Variants in ADCK2 observed in about 807,000 individuals in gnomAD.
ADCK2 encodes the protein aarF domain containing kinase 2, also known as uncharacterized aarF domain-containing protein kinase 2.
A neutral mutation model predicts 52.3 loss-of-function variants in ADCK2; 37 were observed. That is an observed-to-expected ratio of 0.71 (90% CI 0.54 to 0.93). The LOEUF is 0.93. Among genes scored for constraint, ADCK2 ranks in the 40% least tolerant of loss-of-function variants. The probability of loss-of-function intolerance (pLI) is 0.00; values close to 1 mark genes in which losing one functional copy is unlikely to be tolerated. For synonymous variants in ADCK2, 321 were observed against 349.2 expected, an observed-to-expected ratio of 0.92 and a Z score of 0.90; for missense variants, 695 against 798.7, an observed-to-expected ratio of 0.87 and a Z score of 1.56.
At position 140,689,583 on chromosome 7, in the gene ADCK2, G is replaced by T; in HGVS notation, c.1558-14G>T. The T allele has an allele frequency of 6.3e-7, 1 of 1,584,120 alleles. No homozygotes were observed. The highest frequency in any genetic ancestry group is 8.6e-7 in the Non-Finnish European group (1 of 1,161,554). ...TAGCTCCACTCCAAGTCCCTTTTCC[G>T]TTGCATTTTCCAGGGCCAGAGAGTG... On this transcript the variant is annotated splice_polypyrimidine_tract_variant and intron_variant, in intron 5 of 7. Coordinates refer to ENST00000072869, the MANE Select transcript of ADCK2 (RefSeq NM_052853.4).
At position 140,678,940 on chromosome 7, in the gene ADCK2, G is replaced by T. The variant is rs557885997; in HGVS notation, c.1081-215G>T. On this transcript the variant is annotated intron_variant, in intron 2 of 7. Transcript: ENST00000072869. The surrounding 1 kb of genome is among the most constrained non-coding windows in gnomAD (Gnocchi z 4.9). ...CCCAAAGCCCACCAGGGCACCTGCC[G>T]TCTGCAGCCTCCAGGAGTTCACACA... 6.6e-6 allele frequency among the ~76,000 whole-genome samples: 1 copy of T among 152,190 alleles called. No homozygotes were observed. Among genetic ancestry groups the T allele is most frequent in the Non-Finnish European group, 1.5e-5 (1 of 68,030 alleles).
intron 3 of ADCK2, among the ~76,000 whole-genome samples, chr7:140,680,515 A>G (rs754215036): frequency 2.5e-4 from 37 of 149,630 alleles, no homozygotes; most frequent in Non-Finnish European, 5.3e-4. Context: ...CTATTGGCTG[A>G]TTCTTGCCCA....
chr7:140,676,090 A>G (rs1394613241), intron 2 of ADCK2, among the ~76,000 whole-genome samples: 1 of 152,260 alleles, frequency 6.6e-6, no homozygotes, highest in Non-Finnish European at 1.5e-5. Flanking sequence ...TAGCTTACAT[A>G]CAACAGAAAT....
At chr7:140,690,636 G>A in intron 6 of ADCK2, 124 bp from the exon 7 acceptor site, 1 of 769,722 alleles carries the variant, frequency 1.3e-6, no homozygotes, top group Non-Finnish European at 2.1e-6. Flanking sequence ...TGTGCTGACT[G>A]GTGTATGTGT....
At chr7:140,675,731 C>T (rs1323343801) in intron 2 of ADCK2, among the ~76,000 whole-genome samples, 1 of 152,204 alleles carries the variant, frequency 6.6e-6, no homozygotes, top group Non-Finnish European at 1.5e-5. Flanking sequence ...AGCATTATTT[C>T]TGCCATAATC....
chr7:140,676,077 A>G (rs1157696681), intron 2 of ADCK2, among the ~76,000 whole-genome samples: 3 of 152,226 alleles, frequency 2.0e-5, no homozygotes, highest in African/African-American at 7.2e-5. Context: ...CCCATAAACT[A>G]AGTAGCTTAC....
rs1038893498 is a variant in ADCK2, at chr7:140,687,138, G to A, written c.1454G>A (p.Cys485Tyr). 2 of 1,613,280 alleles carry A rather than the reference G, an allele frequency of 1.2e-6. No individual in the cohort carries two copies. The highest frequency in any genetic ancestry group is 1.3e-5 in the African/African-American group (1 of 74,910). ...GTGGTGGCCGTGCCATCTTCCCTCTGCCCGCTGCGACTGGTGCTGCTGGAT... is the reference window on the plus strand; with the variant it reads ...GTGGTGGCCGTGCCATCTTCCCTCTACCCGCTGCGACTGGTGCTGCTGGAT... ...TLVVAVPSSL[C>Y]PLRLVLLDAG... Residue 485 changes from cysteine (C) to tyrosine (Y), a missense_variant, in exon 5 of 8, where the codon TGC becomes TAC. Physicochemically the swap from Cys to Tyr is radical, Grantham distance 194. Transcript: ENST00000072869.
intron 5 of ADCK2, among the ~76,000 whole-genome samples, chr7:140,687,638 T>TG (rs1794627473): frequency 1.3e-5 from 2 of 150,838 alleles, no homozygotes; most frequent in African/African-American, 4.9e-5. Context: ...TCATTGAACC[T>TG]GGGGGGCATA....
At chr7:140,691,494 GTCA>G (rs1794701585) in intron 7 of ADCK2, among the ~76,000 whole-genome samples, 1 of 150,868 alleles carries the variant, frequency 6.6e-6, no homozygotes, top group Admixed American at 6.5e-5. Flanking sequence ...GCTCTAGAGG[GTCA>G]TGCCTTGTGT....
chr7:140,674,142 C>T lies in ADCK2; in HGVS notation c.812C>T (p.Ser271Leu), dbSNP rs1424513942. The change falls in exon 1 of 8, where the codon TCG (serine) becomes TTG (leucine). Residue 271 changes from serine (S) to leucine (L), a missense_variant. Ser to Leu is a moderately radical substitution (Grantham distance 145). Transcript: ENST00000072869. This position sits in a 1 kb window ranked among gnomAD's most constrained non-coding sequence, Gnocchi z 4.6. ...CCTCCAGAAAATCTCGCAGACCAGTCGTTTCTAGAAAGGCTGCTCCTCCCT... is the reference window on the plus strand; with the variant it reads ...CCTCCAGAAAATCTCGCAGACCAGTTGTTTCTAGAAAGGCTGCTCCTCCCT... ...RKPPENLADQ[S>L]FLERLLLPKA... The T allele has an allele frequency of 3.7e-6, 6 of 1,613,936 alleles. No homozygotes were observed. In the South Asian group the frequency reaches 4.4e-5, roughly 12 times the overall value.
chr7:140,678,579 G>A lies in ADCK2; in HGVS notation c.1081-576G>A, dbSNP rs1410660933. ...GGTGCCAGGAGAGTGAAGGGCAGGTGCCGGGGGAAGAGCCATCACGGAGAG... is the reference window on the plus strand; with the variant it reads ...GGTGCCAGGAGAGTGAAGGGCAGGTACCGGGGGAAGAGCCATCACGGAGAG... On this transcript the variant is annotated intron_variant, in intron 2 of 7. Coordinates refer to ENST00000072869, the MANE Select transcript of ADCK2 (RefSeq NM_052853.4). This position sits in a 1 kb window ranked among gnomAD's most constrained non-coding sequence, Gnocchi z 4.9. Among the ~76,000 whole-genome samples, 1 of 152,170 alleles carries A rather than the reference G, an allele frequency of 6.6e-6. No homozygotes were observed. The highest frequency in any genetic ancestry group is 1.5e-5 in the Non-Finnish European group (1 of 68,028).
chr7:140,674,596 T>C lies in ADCK2; in HGVS notation c.934-15T>C. On this transcript the variant is annotated splice_polypyrimidine_tract_variant and intron_variant, in intron 1 of 7. Coordinates refer to ENST00000072869, the MANE Select transcript of ADCK2 (RefSeq NM_052853.4). This position sits in a 1 kb window ranked among gnomAD's most constrained non-coding sequence, Gnocchi z 4.6. Reference sequence around the variant, plus strand: ...CAGCAGGTTTCTCCTGTCTCACGGTTCCTCTTTCTGACAGGTGTTGCACCC... The same window carrying C: ...CAGCAGGTTTCTCCTGTCTCACGGTCCCTCTTTCTGACAGGTGTTGCACCC... 1 of 1,602,392 alleles carries C rather than the reference T, an allele frequency of 6.2e-7. No individual in the cohort carries two copies. The highest frequency in any genetic ancestry group is 8.5e-7 in the Non-Finnish European group (1 of 1,171,370).
rs1794669580 is a variant in ADCK2, at chr7:140,689,607, T to C, written c.1568T>C (p.Val523Ala). Residue 523 changes from valine to alanine, a missense_variant, in exon 6 of 8, where the codon GTG (valine) becomes GCG (alanine). By Grantham distance (64) the Val-to-Ala change is moderately conservative. Transcript: ENST00000072869. ...MAVVMGQGQR[V>A]AELILHHARA... Reference sequence around the variant, plus strand: ...CGTTGCATTTTCCAGGGCCAGAGAGTGGCTGAGCTGATCCTGCATCATGCC... The same window carrying C: ...CGTTGCATTTTCCAGGGCCAGAGAGCGGCTGAGCTGATCCTGCATCATGCC... 3 of 1,601,438 alleles carry C rather than the reference T, an allele frequency of 1.9e-6. No homozygotes were observed. The East Asian group carries it at 6.8e-5, about 36-fold the overall frequency.
intron 7 of ADCK2, among the ~76,000 whole-genome samples, chr7:140,691,038 G>A (rs752310924): frequency 6.6e-6 from 1 of 151,956 alleles, no homozygotes; most frequent in Non-Finnish European, 1.5e-5. Context: ...TGATTCTCTT[G>A]CCTCAGTCTC....
At chr7:140,686,653 C>G (rs918141983) in intron 4 of ADCK2, among the ~76,000 whole-genome samples, 1 of 152,186 alleles carries the variant, frequency 6.6e-6, no homozygotes, top group Admixed American at 6.5e-5. Flanking sequence ...GATCATAGCT[C>G]TGTGTAACCT....
intron 4 of ADCK2, among the ~76,000 whole-genome samples, chr7:140,685,239 A>G (rs769307879): frequency 2.6e-5 from 4 of 152,134 alleles, no homozygotes; most frequent in Non-Finnish European, 5.9e-5. Context: ...ACTTGAGGTC[A>G]GGAGTCTGAG....
At chr7:140,679,662 C>CTTTTTT (rs57302302) in intron 3 of ADCK2, among the ~76,000 whole-genome samples, 8 of 75,370 alleles carry the variant, frequency 1.1e-4, no homozygotes, top group African/African-American at 1.8e-4. Flanking sequence ...CCTTCTCTCT[C>CTTTTTT]TTTTTTTTTT....
rs1364365335 is a variant in ADCK2 at position 140,673,026 on chromosome 7, C to T, written c.-305C>T. ...GGCCCCTGCCTCCGCCCGCGCGGCCCCCTCGCTCAGGTCGCGGGCGCCCGG... is the reference window on the plus strand; with the variant it reads ...GGCCCCTGCCTCCGCCCGCGCGGCCTCCTCGCTCAGGTCGCGGGCGCCCGG... On this transcript the variant is annotated 5_prime_UTR_variant, in exon 1 of 8. Transcript: ENST00000072869. The surrounding 1 kb of genome is among the most constrained non-coding windows in gnomAD (Gnocchi z 6.4). 5.7e-6 allele frequency: 1 copy of T among 176,422 alleles called. No homozygotes were observed. The highest frequency in any genetic ancestry group is 2.0e-4 in the South Asian group (1 of 5,040). The allele number at this position is 176,422 out of a possible 1,614,324, so 10.9% of individuals were successfully genotyped here.
At chr7:140,688,870 G>A (rs567312462) in intron 5 of ADCK2, among the ~76,000 whole-genome samples, 7 of 152,290 alleles carry the variant, frequency 4.6e-5, no homozygotes, top group African/African-American at 9.6e-5. Flanking sequence ...GCACTACGTC[G>A]TGGGTGACTC....
Sources: allele counts gnomAD v4.1 joint callset (sites outside exome capture counted in the v4.1 genomes callset), GRCh38; gene constraint gnomAD v4.1.1; non-coding constraint Gnocchi (gnomAD v3.1); transcripts MANE v1.5; gene names NCBI Gene and HGNC (gene_info 2026-07-23, HGNC 2026-07-21).